The following SLC4A4 variants were observed in gnomAD, a reference collection of about 807,000 sequenced individuals.
SLC4A4 encodes the protein solute carrier family 4 member 4.
In SLC4A4, 27 loss-of-function variants were observed where a neutral mutation model predicts 111.5. The observed-to-expected ratio is 0.24, with a 90% CI of 0.18 to 0.33. The LOEUF (loss-of-function observed/expected upper bound fraction) is 0.33, where lower values mean the gene tolerates loss of function less well. Ranked by LOEUF, SLC4A4 falls within the 10% of genes least tolerant of loss-of-function variation. SLC4A4 has a pLI of 1.00. For synonymous variants in SLC4A4, 443 were observed against 463.4 expected, an observed-to-expected ratio of 0.96 and a Z score of 0.57; for missense variants, 909 against 1,315.5, an observed-to-expected ratio of 0.69 and a Z score of 4.78.
At chr4:71,331,589 G>T (rs899249758) in intron 3 of SLC4A4, among the ~76,000 whole-genome samples, 5 of 149,314 alleles carry the variant, frequency 3.3e-5, no homozygotes, top group Non-Finnish European at 7.4e-5. Context: ...TGTGGGGTTG[G>T]GGGAGGGGGG....
intron 2 of SLC4A4, among the ~76,000 whole-genome samples, chr4:71,124,433 G>A (rs1743511915): frequency 2.0e-5 from 3 of 151,938 alleles, no homozygotes. Flanking sequence ...ACCTCCCAAA[G>A]TGCTGGGATT....
intron 9 of SLC4A4, among the ~76,000 whole-genome samples, chr4:71,448,813 G>C (rs147252301): frequency 6.6e-6 from 1 of 152,246 alleles, no homozygotes; most frequent in African/African-American, 2.4e-5. Flanking sequence ...AGTGGAGAAA[G>C]GGGTACCTTT....
intron 3 of SLC4A4, among the ~76,000 whole-genome samples, chr4:71,266,619 C>G (rs1023237693): frequency 2.0e-5 from 3 of 151,930 alleles, no homozygotes; most frequent in Non-Finnish European, 4.4e-5. Flanking sequence ...CTTTTCGACT[C>G]TTTTTTTTCT....
chr4:71,347,509 T>A (rs1276360216), intron 4 of SLC4A4, among the ~76,000 whole-genome samples: 1 of 152,150 alleles, frequency 6.6e-6, no homozygotes, highest in Non-Finnish European at 1.5e-5. Context: ...TGGAAGGGGC[T>A]AGATAGCTGT....
intron 2 of SLC4A4, among the ~76,000 whole-genome samples, chr4:71,141,723 T>C (rs1744003322): frequency 6.6e-6 from 1 of 152,226 alleles, no homozygotes; most frequent in African/African-American, 2.4e-5. Context: ...CTTATTAGTA[T>C]TCCCCAACAC....
chr4:71,541,483 G>C (rs951069717), intron 18 of SLC4A4, among the ~76,000 whole-genome samples: 2 of 152,104 alleles, frequency 1.3e-5, no homozygotes. Flanking sequence ...ACATAGGAAA[G>C]TGCAGGAGCA....
chr4:71,467,762 G>A (rs1387148681), intron 13 of SLC4A4, among the ~76,000 whole-genome samples: 1 of 151,948 alleles, frequency 6.6e-6, no homozygotes, highest in Non-Finnish European at 1.5e-5. Context: ...AATCAAATTG[G>A]GTATTCCAGC....
upstream of SLC4A4, among the ~76,000 whole-genome samples, chr4:71,182,422 G>C (rs1745321240): frequency 6.6e-6 from 1 of 152,048 alleles, no homozygotes; most frequent in Admixed American, 6.5e-5. Flanking sequence ...AGACTGAGGT[G>C]CTGTGGTCTC....
At chr4:71,082,924 G>T (rs1380322791) in intron 1 of SLC4A4, among the ~76,000 whole-genome samples, 1 of 151,690 alleles carries the variant, frequency 6.6e-6, no homozygotes, top group African/African-American at 2.4e-5. Flanking sequence ...CAGGATCGCG[G>T]CTCACTGTAA....
At chr4:71,221,573 A>G (rs1367656509) in intron 1 of SLC4A4, among the ~76,000 whole-genome samples, 1 of 152,178 alleles carries the variant, frequency 6.6e-6, no homozygotes, top group Non-Finnish European at 1.5e-5. Context: ...ACCAACAATA[A>G]GCTCTATGCT....
At chr4:71,224,357 C>T (rs1317796776) in intron 1 of SLC4A4, among the ~76,000 whole-genome samples, 2 of 152,190 alleles carry the variant, frequency 1.3e-5, no homozygotes, top group Non-Finnish European at 2.9e-5. Context: ...AGAGTTTTAA[C>T]AGATCAGTCG....
rs368541921 is a variant in SLC4A4, at chr4:71,497,580, A to G, written c.2054A>G (p.Asn685Ser). The change falls in exon 16 of 26, where the codon AAC becomes AGC. Residue 685 changes from asparagine to serine, a missense_variant. Around this residue, in one of 7 missense-constraint regions of SLC4A4, gnomAD observed 264 missense variants for 356.8 expected, o/e 0.74. Transcript: ENST00000264485. ...SKYGGNLVGN[N>S]CNFVPDITLM... ...TACGGAGGAAACCTCGTCGGGAACA[A>G]CTGTAATTTTGTTCCTGATATCACA... 4 of 1,613,424 alleles carry G rather than the reference A, an allele frequency of 2.5e-6. No individual in the cohort carries two copies. The African/African-American group carries it at 5.3e-5, about 22-fold the overall frequency.
chr4:71,480,467 TCA>T (rs1560545595), intron 14 of SLC4A4, among the ~76,000 whole-genome samples: 3 of 151,722 alleles, frequency 2.0e-5, no homozygotes, highest in Non-Finnish European at 4.4e-5. Context: ...GCTACTTCTC[TCA>T]GTTTTCCTTT....
upstream of SLC4A4, among the ~76,000 whole-genome samples, chr4:71,182,904 CCAAA>C (rs999670457): frequency 2.6e-5 from 4 of 152,106 alleles, no homozygotes; most frequent in Non-Finnish European, 5.9e-5. Flanking sequence ...CCTTCTCCTT[CCAAA>C]CAGAGAGGTC....
intron 15 of SLC4A4, among the ~76,000 whole-genome samples, chr4:71,492,992 G>T (rs1730074676): frequency 6.6e-6 from 1 of 151,842 alleles, no homozygotes; most frequent in South Asian, 2.1e-4. Flanking sequence ...TTTAAAAGTT[G>T]TTGTTTTATT....
intron 6 of SLC4A4, among the ~76,000 whole-genome samples, chr4:71,390,510 A>G (rs568051806): frequency 2.0e-5 from 3 of 152,232 alleles, no homozygotes; most frequent in South Asian, 2.1e-4. Context: ...TGTGACAACT[A>G]TTTAATTAGA....
chr4:71,425,067 T>C (rs1375264183), intron 7 of SLC4A4, among the ~76,000 whole-genome samples: 1 of 152,164 alleles, frequency 6.6e-6, no homozygotes, highest in Non-Finnish European at 1.5e-5. Context: ...TTTCTTCTTC[T>C]ACCATTTCCT....
intron 2 of SLC4A4, among the ~76,000 whole-genome samples, chr4:71,132,043 A>C (rs1578509442): frequency 6.6e-6 from 1 of 152,328 alleles, no homozygotes; most frequent in East Asian, 1.9e-4. Flanking sequence ...TGATGACGGC[A>C]TATCTTTGTG....
At chr4:71,089,840 G>A (rs1742323617) in intron 1 of SLC4A4, among the ~76,000 whole-genome samples, 2 of 151,520 alleles carry the variant, frequency 1.3e-5, no homozygotes, top group Admixed American at 1.3e-4. Context: ...CTACTCAGGG[G>A]TCAGGAACCC....
Sources: allele counts gnomAD v4.1 joint callset (sites outside exome capture counted in the v4.1 genomes callset), GRCh38; gene constraint gnomAD v4.1.1; regional missense constraint gnomAD v4.1.1; transcripts MANE v1.5; gene names NCBI Gene and HGNC (gene_info 2026-07-23, HGNC 2026-07-21).